The following PRKN variants were observed in gnomAD, a reference collection of about 807,000 sequenced individuals.
PRKN encodes parkin RBR E3 ubiquitin protein ligase, also known as E3 ubiquitin-protein ligase parkin.
PRKN carries 56 observed loss-of-function variants against 59.5 expected under a neutral mutation model. The observed-to-expected ratio is 0.94, with a 90% CI of 0.76 to 1.18. The LOEUF (loss-of-function observed/expected upper bound fraction) is 1.18. Among genes scored for constraint, PRKN ranks in the 50% most tolerant of loss-of-function variants. The pLI is 0.00. For missense variants in PRKN, 657 were observed against 596.4 expected (o/e 1.10, Z -1.06); for synonymous variants, 250 against 222.1 (o/e 1.13, Z -1.12).
At chr6:162,393,087 G>T (rs994190338) in intron 2 of PRKN, among the ~76,000 whole-genome samples, 5 of 151,252 alleles carry the variant, frequency 3.3e-5, no homozygotes, top group African/African-American at 1.2e-4. Context: ...GACTGTTCTG[G>T]CAGAATCATG....
At chr6:162,198,463 A>G (rs1444621498) in intron 4 of PRKN, among the ~76,000 whole-genome samples, 4 of 151,580 alleles carry the variant, frequency 2.6e-5, no homozygotes, top group African/African-American at 9.7e-5. Flanking sequence ...AGTATATATA[A>G]ATATATATAC....
rs1042416759 is a variant in PRKN, at chr6:161,488,965, T to A, written c.1083+59889A>T. Among the ~76,000 whole-genome samples the A allele has an allele frequency of 1.3e-5, 2 of 152,166 alleles. No individual in the cohort carries two copies. Among genetic ancestry groups the A allele is most frequent in the African/African-American group, 2.4e-5 (1 of 41,424 alleles). On this transcript the variant is annotated intron_variant, in intron 9 of 11. Coordinates refer to ENST00000366898, the MANE Select transcript of PRKN (RefSeq NM_004562.3). The surrounding 1 kb of genome is among the most constrained non-coding windows in gnomAD (Gnocchi z 4.5). ...GAGGTCACGATTTACCATTGGCTGA[T>A]AACCTACTGTGATGACATTTCTCAG...
rs1784710807 is a variant in PRKN at position 162,201,116 on chromosome 6, A to G, written c.534+15T>C. The G allele has an allele frequency of 1.2e-6, 2 of 1,613,890 alleles. No individual in the cohort carries two copies. Among genetic ancestry groups the G allele is most frequent in the Non-Finnish European group, 1.7e-6 (2 of 1,179,886 alleles). ...ATTTTCCTGGCAGTCTCATGCTGAC[A>G]CTGCATTTCCTTACCTGGGTCAAGG... On this transcript the variant is annotated intron_variant, in intron 4 of 11. Transcript: ENST00000366898.
chr6:162,291,025 A>G (rs1413582177), intron 2 of PRKN, among the ~76,000 whole-genome samples: 1 of 152,196 alleles, frequency 6.6e-6, no homozygotes, highest in Admixed American at 6.5e-5. Context: ...TACTTATAAG[A>G]AAGGAGCGAT....
Position 161,547,956 on chromosome 6 carries a change from C to A in PRKN, c.1083+898G>T, listed in dbSNP as rs1371015920. 6.6e-6 allele frequency among the ~76,000 whole-genome samples: 1 copy of A among 152,148 alleles called. No individual in the cohort carries two copies. The highest frequency in any genetic ancestry group is 1.5e-5 in the Non-Finnish European group (1 of 68,034). ...TACAGGAAGCTTTACTAAGGGGAAC[C>A]AATGCTAATTTATTTCTAGATGACT... On this transcript the variant is annotated intron_variant, in intron 9 of 11. Coordinates refer to ENST00000366898, the MANE Select transcript of PRKN (RefSeq NM_004562.3). This position sits in a 1 kb window ranked among gnomAD's most constrained non-coding sequence, Gnocchi z 4.0.
At chr6:162,297,576 A>G (rs1285772822) in intron 2 of PRKN, among the ~76,000 whole-genome samples, 26 of 152,174 alleles carry the variant, frequency 1.7e-4, no homozygotes, top group Non-Finnish European at 1.5e-5. Context: ...TTGTGGGTTC[A>G]TATCTAAACT....
chr6:161,351,364 G>A (rs922734496), intron 11 of PRKN, among the ~76,000 whole-genome samples: 1 of 148,764 alleles, frequency 6.7e-6, no homozygotes, highest in African/African-American at 2.5e-5. Flanking sequence ...TGCTCTTGTC[G>A]TCCAGGCTGG....
intron 2 of PRKN, among the ~76,000 whole-genome samples, chr6:162,416,223 AT>A (rs1788624251): frequency 6.6e-6 from 1 of 152,146 alleles, no homozygotes; most frequent in African/African-American, 2.4e-5. Context: ...ATTTTCCTAA[AT>A]AATATATTTT....
rs1784992626 is a variant in PRKN, at chr6:161,361,968, T to A, written c.1168-1763A>T. On this transcript the variant is annotated intron_variant, in intron 10 of 11. Coordinates refer to ENST00000366898, the MANE Select transcript of PRKN (RefSeq NM_004562.3). This position sits in a 1 kb window ranked among gnomAD's most constrained non-coding sequence, Gnocchi z 5.2. Reference sequence around the variant, plus strand: ...GTCAGTGACACGTGGCAAACACCCATCCCCCCACCGACCTGCACCCCAACG... The same window carrying A: ...GTCAGTGACACGTGGCAAACACCCAACCCCCCACCGACCTGCACCCCAACG... Among the ~76,000 whole-genome samples, 1 of 151,674 alleles carries A rather than the reference T, an allele frequency of 6.6e-6. No homozygotes were observed. Among genetic ancestry groups the A allele is most frequent in the South Asian group, 2.1e-4 (1 of 4,778 alleles).
At chr6:162,105,784 G>C (rs1247832576) in intron 4 of PRKN, among the ~76,000 whole-genome samples, 1 of 152,134 alleles carries the variant, frequency 6.6e-6, no homozygotes, top group Non-Finnish European at 1.5e-5. Context: ...GAACAATAGA[G>C]CAGTAAAAGA....
chr6:161,907,749 G>C (rs1427343911), intron 6 of PRKN, among the ~76,000 whole-genome samples: 1 of 152,146 alleles, frequency 6.6e-6, no homozygotes, highest in Non-Finnish European at 1.5e-5. Context: ...TCTCAGCAAA[G>C]GTGCAAACTT....
At chr6:162,407,365 C>T (rs997090858) in intron 2 of PRKN, among the ~76,000 whole-genome samples, 13 of 152,158 alleles carry the variant, frequency 8.5e-5, no homozygotes, top group African/African-American at 2.9e-4. Flanking sequence ...TACAAAGAGG[C>T]TTTATTCATA....
At chr6:162,325,812 A>G (rs970704570) in intron 2 of PRKN, among the ~76,000 whole-genome samples, 2 of 152,224 alleles carry the variant, frequency 1.3e-5, no homozygotes, top group East Asian at 1.9e-4. Context: ...AGTTTAAAAT[A>G]TTATTTTCTT....
At chr6:162,615,906 C>A (rs2128219768) in intron 1 of PRKN, among the ~76,000 whole-genome samples, 1 of 152,294 alleles carries the variant, frequency 6.6e-6, no homozygotes, top group African/African-American at 2.4e-5. Flanking sequence ...TCCACATTGG[C>A]AGAGTATATA....
chr6:161,731,450 GTATCATT>G (rs1464314380), intron 7 of PRKN, among the ~76,000 whole-genome samples: 22 of 152,192 alleles, frequency 1.4e-4, no homozygotes, highest in Admixed American at 1.4e-3. Context: ...TTTTTTACAT[GTATCATT>G]AAATAAATTT....
At chr6:162,659,036 A>G (rs1778778131) in intron 1 of PRKN, among the ~76,000 whole-genome samples, 1 of 152,228 alleles carries the variant, frequency 6.6e-6, no homozygotes, top group Non-Finnish European at 1.5e-5. Context: ...TTCATAGGTA[A>G]TAGTGGCTTT....
chr6:162,307,237 T>C (rs534426133), intron 2 of PRKN, among the ~76,000 whole-genome samples: 98 of 151,814 alleles, frequency 6.5e-4, no homozygotes, highest in African/African-American at 2.2e-3. Flanking sequence ...CCATCTCCAC[T>C]AAAAATACAA....
At position 161,487,944 on chromosome 6, in the gene PRKN, A is replaced by G. The variant is rs550200608; in HGVS notation, c.1083+60910T>C. 1.3e-5 allele frequency among the ~76,000 whole-genome samples: 2 copies of G among 152,268 alleles called. No individual in the cohort carries two copies. The highest frequency in any genetic ancestry group is 4.1e-4 in the South Asian group (2 of 4,824). On this transcript the variant is annotated intron_variant, in intron 9 of 11. Transcript: ENST00000366898. The surrounding 1 kb of genome is among the most constrained non-coding windows in gnomAD (Gnocchi z 5.3). ...AAACACATATTTACTGAATACCTAC[A>G]AAACTTCTATGACTAAAACCAATGA...
At chr6:162,545,050 G>T (rs1320090150) in intron 1 of PRKN, among the ~76,000 whole-genome samples, 1 of 151,238 alleles carries the variant, frequency 6.6e-6, no homozygotes, top group Non-Finnish European at 1.5e-5. Context: ...ACTTTGGGAG[G>T]CTGAGGTGGA....
Sources: gnomAD v4.1 joint callset for allele counts (sites outside exome capture counted in the v4.1 genomes callset) on GRCh38, gnomAD v4.1.1 for gene constraint, Gnocchi (gnomAD v3.1) non-coding constraint, MANE v1.5 for transcripts, NCBI Gene and HGNC (gene_info 2026-07-23, HGNC 2026-07-21) for gene names.